DPH6: variants seen among roughly 807,000 people sequenced by gnomAD.
DPH6 encodes the protein diphthamine biosynthesis 6.
DPH6 carries 33 observed loss-of-function variants against 38.2 expected under a neutral mutation model. That is an observed-to-expected ratio of 0.86 (90% CI 0.65 to 1.15). The LOEUF is 1.15. DPH6 is among the 50% of genes most tolerant of loss of function. The pLI, the probability that DPH6 is intolerant of heterozygous loss-of-function variation, is 0.00. For synonymous variants in DPH6, 108 were observed against 103.0 expected (o/e 1.05, Z -0.30); for missense variants, 325 against 320.0 (o/e 1.02, Z -0.12).
downstream of DPH6, among the ~76,000 whole-genome samples, chr15:35,213,410 T>C (rs1442889421): frequency 1.3e-5 from 2 of 152,248 alleles, no homozygotes; most frequent in Non-Finnish European, 1.5e-5. Flanking sequence ...ATTGTAGATA[T>C]GAACTTTTGT....
At chr15:35,384,258 T>C (rs193114862) in intron 6 of DPH6, among the ~76,000 whole-genome samples, 1 of 151,594 alleles carries the variant, frequency 6.6e-6, no homozygotes, top group African/African-American at 2.4e-5. Context: ...TAACAGATTT[T>C]TGAAAAGTTT....
At chr15:35,265,118 G>A (rs976433329) in intron 3 of DPH6, among the ~76,000 whole-genome samples, 7 of 151,570 alleles carry the variant, frequency 4.6e-5, no homozygotes, top group South Asian at 4.2e-4. Flanking sequence ...ACAAGCTAGC[G>A]GTCAGAAAAC....
intron 3 of DPH6, among the ~76,000 whole-genome samples, chr15:35,224,401 C>T (rs376223410): frequency 6.6e-6 from 1 of 152,186 alleles, no homozygotes; most frequent in African/African-American, 2.4e-5. Flanking sequence ...GCCACCACGC[C>T]TGGCCTGATT....
chr15:35,511,201 G>T (rs1188256095), intron 3 of DPH6, among the ~76,000 whole-genome samples: 1 of 152,090 alleles, frequency 6.6e-6, no homozygotes, highest in African/African-American at 2.4e-5. Flanking sequence ...AGTTTATCTG[G>T]TTTCACAGCT....
chr15:35,491,772 T>C lies in DPH6; in HGVS notation c.313-36952A>G, dbSNP rs913391310. 3.3e-5 allele frequency among the ~76,000 whole-genome samples: 5 copies of C among 150,728 alleles called. No homozygotes were observed. In the East Asian group the frequency reaches 7.8e-4, roughly 23 times the overall value. On this transcript the variant is annotated intron_variant, in intron 3 of 8. Coordinates refer to ENST00000256538, the MANE Select transcript of DPH6 (RefSeq NM_080650.4). ...ACATGTATGTATACACATATAAATA[T>C]ATGTATAGACATATTTTTATATATA... is the stretch of plus-strand genomic sequence containing the variant.
chr15:35,166,638 A>G, the DPH6 span, among the ~76,000 whole-genome samples: 4 of 152,038 alleles, frequency 2.6e-5, no homozygotes, highest in Non-Finnish European at 5.9e-5. Context: ...CAGTTAAAAG[A>G]TAATAAAGAT....
At chr15:35,472,202 A>T (rs1323932667) in intron 3 of DPH6, among the ~76,000 whole-genome samples, 1 of 152,202 alleles carries the variant, frequency 6.6e-6, no homozygotes, top group Non-Finnish European at 1.5e-5. Context: ...ATATTTTCTT[A>T]AAGGACAGGG....
rs970667282 is a variant in DPH6 at position 35,532,225 on chromosome 15, C to A, written c.312+6049G>T. Among the ~76,000 whole-genome samples the A allele has an allele frequency of 2.6e-5, 4 of 152,176 alleles. No homozygotes were observed. The South Asian group carries it at 8.3e-4, about 32-fold the overall frequency. On this transcript the variant is annotated intron_variant, in intron 3 of 8. Coordinates refer to ENST00000256538, the MANE Select transcript of DPH6 (RefSeq NM_080650.4). Reference sequence around the variant, plus strand: ...CTGCCAGGCCCTCTTCTTAAAGAGCCTTCTGTGTTAGCCTAATGTGTTTGG... The same window carrying A: ...CTGCCAGGCCCTCTTCTTAAAGAGCATTCTGTGTTAGCCTAATGTGTTTGG...
intron 6 of DPH6, among the ~76,000 whole-genome samples, chr15:35,385,564 T>A (rs2052940346): frequency 6.6e-6 from 1 of 151,848 alleles, no homozygotes; most frequent in Admixed American, 6.6e-5. Flanking sequence ...AGTTGAACAA[T>A]GAGAACACAT....
intron 3 of DPH6, among the ~76,000 whole-genome samples, chr15:35,256,996 A>AAGGACTGTCATCC (rs2051712612): frequency 6.6e-6 from 1 of 152,210 alleles, no homozygotes; most frequent in South Asian, 2.1e-4. Context: ...GATGACAGCT[A>AAGGACTGTCATCC]TTTGAGGACT....
intron 3 of DPH6, among the ~76,000 whole-genome samples, chr15:35,475,589 T>C (rs1044164545): frequency 1.3e-5 from 2 of 151,948 alleles, no homozygotes; most frequent in African/African-American, 4.8e-5. Flanking sequence ...TAATATTTTA[T>C]GGTCAATTAC....
At chr15:35,322,860 G>C (rs769370850) in intron 3 of DPH6, among the ~76,000 whole-genome samples, 1 of 151,812 alleles carries the variant, frequency 6.6e-6, no homozygotes, top group Non-Finnish European at 1.5e-5. Flanking sequence ...GAAACTACTT[G>C]ATCATCAGCT....
chr15:35,412,735 A>G (rs2053382887), intron 5 of DPH6, among the ~76,000 whole-genome samples: 1 of 151,720 alleles, frequency 6.6e-6, no homozygotes, highest in South Asian at 2.1e-4. Flanking sequence ...TGAAAACGCT[A>G]CATATGGTAT....
At chr15:35,204,465 A>G in the DPH6 span, among the ~76,000 whole-genome samples, 1 of 151,800 alleles carries the variant, frequency 6.6e-6, no homozygotes, top group East Asian at 1.9e-4. Context: ...CTGAAATGCA[A>G]TTTTAATATT....
downstream of DPH6, among the ~76,000 whole-genome samples, chr15:35,370,597 A>G (rs773326919): frequency 9.2e-5 from 14 of 151,788 alleles, no homozygotes; most frequent in Admixed American, 2.6e-4. Context: ...TCAACATCAC[A>G]TATCTTTAGG....
chr15:35,161,133 A>G, the DPH6 span, among the ~76,000 whole-genome samples: 1 of 152,062 alleles, frequency 6.6e-6, no homozygotes, highest in Admixed American at 6.6e-5. Context: ...TAAAACTTAA[A>G]GTATAATAAT....
chr15:35,215,430 C>T (rs148185208), downstream of DPH6, among the ~76,000 whole-genome samples: 1 of 152,094 alleles, frequency 6.6e-6, no homozygotes, highest in East Asian at 1.9e-4. Context: ...ACTCAGTTGC[C>T]CAGGCTGGGG....
rs765990539 is a variant in DPH6, at chr15:35,538,279, C to G, written c.307G>C (p.Val103Leu). 1 of 1,542,554 alleles carries G rather than the reference C, an allele frequency of 6.5e-7. No individual in the cohort carries two copies. The change falls in exon 3 of 9, where the codon GTT becomes CTT. Residue 103 changes from valine (V) to leucine (L), a missense_variant. Physicochemically the swap from Val to Leu is conservative, Grantham distance 32 (BLOSUM62 1). Transcript: ENST00000256538. ...VEDLYELLKL[V>L]KEKEEVEGIS... ...TAATTGGTTACTCTGCATACCTTAA[C>G]AAGTTTCAAAAGCTCATAGAGATCT... is the stretch of plus-strand genomic sequence containing the variant.
the DPH6 span, among the ~76,000 whole-genome samples, chr15:35,172,317 G>A: frequency 2.0e-5 from 3 of 152,124 alleles, no homozygotes; most frequent in African/African-American, 4.8e-5. Flanking sequence ...GAATTTATAC[G>A]CTACCGACAA....
Sources: gnomAD v4.1 joint callset for allele counts (sites outside exome capture counted in the v4.1 genomes callset) on GRCh38, gnomAD v4.1.1 for gene constraint, MANE v1.5 for transcripts, NCBI Gene and HGNC (gene_info 2026-07-23, HGNC 2026-07-21) for gene names.